Variants in BAIAP2 observed in about 807,000 individuals in gnomAD.
BAIAP2 encodes the protein BAR/IMD domain containing adaptor protein 2.
In BAIAP2, 18 loss-of-function variants were observed where a neutral mutation model predicts 63.0. The ratio of observed to expected loss-of-function variants is 0.29; its 90% confidence interval spans 0.20 to 0.42. The LOEUF (loss-of-function observed/expected upper bound fraction) is 0.42, where lower values mean the gene tolerates loss of function less well. Among genes scored for constraint, BAIAP2 ranks in the 10% least tolerant of loss-of-function variants. BAIAP2 has a pLI of 1.00. For synonymous variants in BAIAP2, 386 were observed against 307.6 expected (o/e 1.25, Z -2.67); for missense variants, 610 against 734.3 (o/e 0.83, Z 1.96).
intron 3 of BAIAP2, among the ~76,000 whole-genome samples, chr17:81,064,351 G>T (rs2051097666): frequency 6.6e-6 from 1 of 152,218 alleles, no homozygotes; most frequent in Non-Finnish European, 1.5e-5. Context: ...CCGTCAGGAT[G>T]ACGAGGATTC....
Position 81,104,107 on chromosome 17 carries a change from C to G in BAIAP2, c.1065C>G (p.Thr355=), listed in dbSNP as rs770277497. 1 of 1,613,118 alleles carries G rather than the reference C, an allele frequency of 6.2e-7. No homozygotes were observed. The change falls in exon 9 of 14, where the codon ACC becomes ACG. Residue 355 remains threonine (T), a splice_region_variant and synonymous_variant. Coordinates refer to ENST00000428708, the MANE Select transcript of BAIAP2 (RefSeq NM_001144888.2). ...TGACCCCAAAAAACAGCTATGCCAC[C>G]AGTAAGGGCTCCGCTGGGGTGTTGG... The part of the protein sequence containing the change: ...KSVTPKNSYA[T]TENKTLPRSS...
At chr17:81,037,605 C>T (rs1464930945) in intron 1 of BAIAP2, among the ~76,000 whole-genome samples, 1 of 152,244 alleles carries the variant, frequency 6.6e-6, no homozygotes, top group Non-Finnish European at 1.5e-5. Flanking sequence ...CCAGGCAGTG[C>T]TGAGCTCTGT....
At chr17:81,076,371 G>A (rs942300512) in intron 3 of BAIAP2, 1 of 152,244 alleles carries the variant, frequency 6.6e-6, no homozygotes, top group African/African-American at 2.4e-5. Flanking sequence ...GAGGATGCTT[G>A]AGAGAGCCCT....
At chr17:81,050,181 G>A (rs978816538) in intron 1 of BAIAP2, among the ~76,000 whole-genome samples, 1 of 152,224 alleles carries the variant, frequency 6.6e-6, no homozygotes, top group South Asian at 2.1e-4. Context: ...GCAGAAGGAG[G>A]AACTGGCCCT....
chr17:81,089,482 A>AGGTGGCT (rs964410715), intron 6 of BAIAP2, among the ~76,000 whole-genome samples: 3 of 152,312 alleles, frequency 2.0e-5, no homozygotes, highest in South Asian at 2.1e-4. Context: ...AACAGAACTA[A>AGGTGGCT]GGTGGCTGGT....
At chr17:81,091,473 C>T (rs1327242243) in intron 6 of BAIAP2, among the ~76,000 whole-genome samples, 1 of 152,100 alleles carries the variant, frequency 6.6e-6, no homozygotes, top group Non-Finnish European at 1.5e-5. Context: ...GTTCACGGTG[C>T]CCCCTTGAGA....
At chr17:81,101,063 C>T (rs1183521435) in intron 7 of BAIAP2, among the ~76,000 whole-genome samples, 1 of 151,090 alleles carries the variant, frequency 6.6e-6, no homozygotes, top group Non-Finnish European at 1.5e-5. Context: ...CACAGTCCTG[C>T]GGCCCTGTGT....
intron 12 of BAIAP2, 193 bp downstream of exon 12, chr17:81,107,100 C>T: frequency 2.1e-5 from 14 of 653,042 alleles, no homozygotes; most frequent in Non-Finnish European, 3.4e-5. Context: ...GCCCGCCTCG[C>T]CGCAGCAGGC....
intron 3 of BAIAP2, among the ~76,000 whole-genome samples, chr17:81,058,623 C>T (rs1192846998): frequency 6.6e-6 from 1 of 152,230 alleles, no homozygotes; most frequent in Non-Finnish European, 1.5e-5. Context: ...CCTGTGCTCA[C>T]TTGCTGCTCC....
At chr17:81,085,512 T>G (rs993587291) in intron 4 of BAIAP2, 142 bp from the exon 5 acceptor site, 1 of 723,632 alleles carries the variant, frequency 1.4e-6, no homozygotes, top group African/African-American at 1.7e-5. Flanking sequence ...GGGCCACAGC[T>G]CATCAGTCAG....
Position 81,116,489 on chromosome 17 carries a change from T to G in BAIAP2, c.*650T>G. 4.0e-6 allele frequency: 3 copies of G among 751,910 alleles called. No homozygotes were observed. Among genetic ancestry groups the G allele is most frequent in the Non-Finnish European group, 6.3e-6 (3 of 478,328 alleles). 46.6% of individuals were successfully genotyped at this position (751,910 alleles called of 1,614,324 possible). On this transcript the variant is annotated 3_prime_UTR_variant, in exon 14 of 14. Transcript: ENST00000428708. ...CCCCAGCCCTCCTCCTTACCCAACC[T>G]CCCATCCAGAACCTTGCTGCCAGGG... is the stretch of plus-strand genomic sequence containing the variant.
At chr17:81,062,992 C>G (rs1329128425) in intron 3 of BAIAP2, among the ~76,000 whole-genome samples, 1 of 131,520 alleles carries the variant, frequency 7.6e-6, no homozygotes, top group African/African-American at 2.8e-5. Flanking sequence ...CGATATCTTT[C>G]CTGTGGTGGC....
chr17:81,100,209 C>A, intron 7 of BAIAP2, 129 bp downstream of exon 7: 1 of 1,299,216 alleles, frequency 7.7e-7, no homozygotes, highest in Non-Finnish European at 1.0e-6. Context: ...TCGTTTATTT[C>A]GGGTTTTCTT....
At chr17:81,095,859 C>G (rs375912657) in intron 6 of BAIAP2, among the ~76,000 whole-genome samples, 1 of 152,208 alleles carries the variant, frequency 6.6e-6, no homozygotes, top group East Asian at 1.9e-4. Flanking sequence ...AACACCAACT[C>G]TCTTCCCGGC....
chr17:81,094,814 A>G (rs1035051606), intron 6 of BAIAP2, among the ~76,000 whole-genome samples: 1 of 152,238 alleles, frequency 6.6e-6, no homozygotes, highest in Non-Finnish European at 1.5e-5. Flanking sequence ...ACCGGTCCGC[A>G]GCCGCATCCT....
At chr17:81,079,307 GT>G (rs1466169071) in intron 3 of BAIAP2, among the ~76,000 whole-genome samples, 3 of 152,188 alleles carry the variant, frequency 2.0e-5, no homozygotes, top group Non-Finnish European at 1.5e-5. Flanking sequence ...CGTGGAGCGG[GT>G]TTCACTCTTA....
chr17:81,047,863 C>A (rs983879017), intron 1 of BAIAP2, among the ~76,000 whole-genome samples: 1 of 152,266 alleles, frequency 6.6e-6, no homozygotes, highest in Non-Finnish European at 1.5e-5. Context: ...TAAACGCATG[C>A]AGCACATGGC....
chr17:81,037,076 G>A, intron 1 of BAIAP2: 1 of 879,490 alleles, frequency 1.1e-6, no homozygotes, highest in Admixed American at 2.4e-5. Flanking sequence ...TTATCTGCAG[G>A]TCTAAGTGAA....
rs868482164 is a variant in BAIAP2, at chr17:81,106,132, C to G, written c.1323C>G (p.Asp441Glu). 6.3e-7 allele frequency: 1 copy of G among 1,582,790 alleles called. No homozygotes were observed. The highest frequency in any genetic ancestry group is 8.6e-7 in the Non-Finnish European group (1 of 1,164,182). Residue 441 changes from aspartate to glutamate, a missense_variant, in exon 11 of 14, where the codon GAC becomes GAG. Physicochemically the swap from Asp to Glu is conservative, Grantham distance 45. This residue lies in a region of BAIAP2 where 29 missense variants were observed against 23.2 expected (regional missense o/e 1.25). Coordinates refer to ENST00000428708, the MANE Select transcript of BAIAP2 (RefSeq NM_001144888.2). ...YTRVLDSDGS[D>E]RLHMSLQQGK... ...GGGTCTTGGACAGCGATGGCAGTGA[C>G]AGGCTGCACATGAGGTGAGCTCTGG... is the stretch of plus-strand genomic sequence containing the variant.
Sources: allele counts gnomAD v4.1 joint callset (sites outside exome capture counted in the v4.1 genomes callset), GRCh38; gene constraint gnomAD v4.1.1; regional missense constraint gnomAD v4.1.1; transcripts MANE v1.5; gene names NCBI Gene and HGNC (gene_info 2026-07-23, HGNC 2026-07-21).